The following MAP4K1 variants were observed in gnomAD, a reference collection of about 807,000 sequenced individuals.
MAP4K1 encodes mitogen-activated protein kinase kinase kinase kinase 1, also known as MAPK/ERK kinase kinase kinase 1.
Under a neutral mutation model 122.8 loss-of-function variants are expected in MAP4K1, and 35 were observed. The observed-to-expected ratio is 0.29, with a 90% confidence interval of 0.22 to 0.38. The LOEUF (loss-of-function observed/expected upper bound fraction) is 0.38, where lower values mean the gene tolerates loss of function less well. MAP4K1 is among the 10% of genes least tolerant of loss of function. The probability of loss-of-function intolerance (pLI) is 1.00; values close to 1 mark genes in which losing one functional copy is unlikely to be tolerated. For synonymous variants in MAP4K1, 412 were observed against 421.3 expected (o/e 0.98, Z 0.27); for missense variants, 791 against 1,072.6 (o/e 0.74, Z 3.67).
intron 19 of MAP4K1, among the ~76,000 whole-genome samples, chr19:38,603,719 C>G (rs929983598): frequency 6.6e-6 from 1 of 152,052 alleles, no homozygotes; most frequent in Non-Finnish European, 1.5e-5. Context: ...CGCGGTGGCT[C>G]ACGCCTGTAA....
rs375232678 is a variant in MAP4K1 at position 38,597,176 on chromosome 19, C to T, written c.1838-39G>A. On this transcript the variant is annotated intron_variant, in intron 24 of 30. Coordinates refer to ENST00000396857, the MANE Select transcript of MAP4K1 (RefSeq NM_001042600.3). This position sits in a 1 kb window ranked among gnomAD's most constrained non-coding sequence, Gnocchi z 4.6. ...AAGGATGAGTCAAGATCAATGCCCTCTATCCTCCTCGCCACCCACACTACC... is the reference window on the plus strand; with the variant it reads ...AAGGATGAGTCAAGATCAATGCCCTTTATCCTCCTCGCCACCCACACTACC... 6.2e-7 allele frequency: 1 copy of T among 1,606,074 alleles called. No individual in the cohort carries two copies. Among genetic ancestry groups the T allele is most frequent in the Non-Finnish European group, 8.5e-7 (1 of 1,172,824 alleles).
chr19:38,599,991 G>A lies in MAP4K1; in HGVS notation c.1609-6C>T, dbSNP rs745450743. On this transcript the variant is annotated splice_polypyrimidine_tract_variant and splice_region_variant and intron_variant, in intron 21 of 30. Coordinates refer to ENST00000396857, the MANE Select transcript of MAP4K1 (RefSeq NM_001042600.3). Reference sequence around the variant, plus strand: ...GTAGTCCGGCTAGGAAAGAGCTGCAGGGAATGGGAGAGATGGCTCTGGTGA... The same window carrying A: ...GTAGTCCGGCTAGGAAAGAGCTGCAAGGAATGGGAGAGATGGCTCTGGTGA... 1.2e-6 allele frequency: 2 copies of A among 1,614,176 alleles called. No individual in the cohort carries two copies.
chr19:38,608,799 CAAAAA>C (rs1031744033), intron 13 of MAP4K1, among the ~76,000 whole-genome samples: 1 of 9,550 alleles, frequency 1.0e-4, no homozygotes, highest in Admixed American at 1.2e-3. Context: ...AACTCCGTCT[CAAAAA>C]AAAAAAAAAA....
At chr19:38,611,351 C>A (rs1376703726) in intron 9 of MAP4K1, 46 bp from the exon 10 acceptor site, 1 of 1,346,052 alleles carries the variant, frequency 7.4e-7, no homozygotes, top group South Asian at 1.2e-5. Context: ...CTCAAGGGGG[C>A]CAGACCTCAT....
In MAP4K1 at chr19:38,608,099, G is replaced by T. The variant is rs1213611533; in HGVS notation, c.1065+13C>A. 1 of 1,547,306 alleles carries T rather than the reference G, an allele frequency of 6.5e-7. No homozygotes were observed. Among genetic ancestry groups the T allele is most frequent in the Admixed American group, 2.0e-5 (1 of 49,766 alleles). On this transcript the variant is annotated intron_variant, in intron 14 of 30. Transcript: ENST00000396857. ...CAGGCGGTGTGGTGGGGAGTGGGGG[G>T]ACAGCATCTCACGGTGTTGGCTGGG...
Position 38,608,828 on chromosome 19 carries a change from A to AAAAAAAAAAAAAAAAC in MAP4K1, c.1007-659_1007-658insGTTTTTTTTTTTTTTT, listed in dbSNP as rs1555811720. Among the ~76,000 whole-genome samples, 50 of 137,240 alleles carry AAAAAAAAAAAAAAAAC rather than the reference A, an allele frequency of 3.6e-4. 2 individuals carry two copies. The highest frequency in any genetic ancestry group is 1.1e-3 in the South Asian group (4 of 3,798). 90.0% of individuals were successfully genotyped at this position (137,240 alleles called of 152,430 possible). ...AAAAAAAAAAAAAAAAAAAAAAAAA[A>AAAAAAAAAAAAAAAAC]ACATTAGCCACGCGTGGTGAATAAG... On this transcript the variant is annotated intron_variant, in intron 13 of 30. Transcript: ENST00000396857.
intron 16 of MAP4K1, 112 bp downstream of exon 16, chr19:38,607,752 G>T: frequency 8.3e-7 from 1 of 1,199,550 alleles, no homozygotes; most frequent in Non-Finnish European, 1.2e-6. Context: ...GGGGCTAGAA[G>T]AAAGGCAGGG....
chr19:38,607,586 A>G (rs1433625480), intron 16 of MAP4K1, among the ~76,000 whole-genome samples: 4 of 148,118 alleles, frequency 2.7e-5, no homozygotes, highest in Admixed American at 6.8e-5. Context: ...AAAAAGAAGA[A>G]GGTGGAAGGA....
chr19:38,611,654 T>C (rs1975501529), intron 9 of MAP4K1, among the ~76,000 whole-genome samples: 1 of 151,872 alleles, frequency 6.6e-6, no homozygotes, highest in Non-Finnish European at 1.5e-5. Context: ...GCAATATGGG[T>C]CTGTAGGACC....
Position 38,600,255 on chromosome 19 carries a change from G to A in MAP4K1, c.1532-102C>T, listed in dbSNP as rs1975020928. 10 of 921,776 alleles carry A rather than the reference G, an allele frequency of 1.1e-5. No individual in the cohort carries two copies. In the East Asian group the frequency reaches 2.6e-4, roughly 24 times the overall value. The allele number at this position is 921,776 out of a possible 1,614,324, so 57.1% of individuals were successfully genotyped here. A position where few individuals can be genotyped will look rare whatever the true frequency, so the allele number is the denominator to read the frequency against. On this transcript the variant is annotated intron_variant, in intron 20 of 30. Coordinates refer to ENST00000396857, the MANE Select transcript of MAP4K1 (RefSeq NM_001042600.3). ...ACACTGACACTCTGTCCCCAGCTCT[G>A]ACCCTCTATTCTTTCTCCAAACCAA...
chr19:38,613,756 G>A (rs1975567345), intron 8 of MAP4K1, 124 bp downstream of exon 8: 1 of 734,746 alleles, frequency 1.4e-6, no homozygotes, highest in Admixed American at 2.7e-5. Flanking sequence ...GAGAATGAAA[G>A]AATCTTCCAA....
rs754085962 is a variant in MAP4K1, at chr19:38,614,372, C to G, written c.369+18G>C. The stretch of plus-strand genomic sequence containing the variant: ...CACCCTCCCCTCCCATCCCCAGAAT[C>G]CCCAGGCCTCTCCTTACCTGGAGCA... On this transcript the variant is annotated intron_variant, in intron 5 of 30. Coordinates refer to ENST00000396857, the MANE Select transcript of MAP4K1 (RefSeq NM_001042600.3). 3 of 1,609,104 alleles carry G rather than the reference C, an allele frequency of 1.9e-6. No homozygotes were observed. The South Asian group carries it at 3.3e-5, about 18-fold the overall frequency.
In MAP4K1 at chr19:38,606,598, G is replaced by A. The variant is rs1271968586; in HGVS notation, c.1158-383C>T. Reference sequence around the variant, plus strand: ...TTGAGCCTGGGAGGTTGAGGCTGCAGTAAGCCATCATTGCACTCCTGCACT... The same window carrying A: ...TTGAGCCTGGGAGGTTGAGGCTGCAATAAGCCATCATTGCACTCCTGCACT... On this transcript the variant is annotated intron_variant, in intron 16 of 30. Coordinates refer to ENST00000396857, the MANE Select transcript of MAP4K1 (RefSeq NM_001042600.3). Among the ~76,000 whole-genome samples, 4 of 152,302 alleles carry A rather than the reference G, an allele frequency of 2.6e-5. No individual in the cohort carries two copies. In the East Asian group the frequency reaches 7.7e-4, roughly 29 times the overall value.
chr19:38,614,534 G>C (rs1376484706), intron 4 of MAP4K1, 89 bp from the exon 5 acceptor site: 3 of 1,392,070 alleles, frequency 2.2e-6, no homozygotes, highest in Non-Finnish European at 3.0e-6. Flanking sequence ...CCAGCTAAGA[G>C]GGTGCCATAG....
chr19:38,595,921 A>C lies in MAP4K1; in HGVS notation c.2179+18T>G, dbSNP rs1333308608. On this transcript the variant is annotated intron_variant, in intron 27 of 30. Transcript: ENST00000396857. The stretch of plus-strand genomic sequence containing the variant: ...AGCTGGAGGGGTGGGGAGGAAGGGG[A>C]GGAAGGAGGGTTCTCACCATCCATC... The C allele has an allele frequency of 2.5e-6, 4 of 1,612,470 alleles. No individual in the cohort carries two copies. Among genetic ancestry groups the C allele is most frequent in the Non-Finnish European group, 3.4e-6 (4 of 1,178,814 alleles).
chr19:38,614,314 G>T, intron 5 of MAP4K1, 22 bp from the exon 6 acceptor site: 1 of 1,614,184 alleles, frequency 6.2e-7, no homozygotes, highest in Non-Finnish European at 8.5e-7. Context: ...GGTGGACAAG[G>T]GGACAGTGAG....
intron 30 of MAP4K1, among the ~76,000 whole-genome samples, chr19:38,590,392 A>ATAC (rs1247938342): frequency 1.5e-4 from 3 of 19,738 alleles, no homozygotes; most frequent in Non-Finnish European, 2.7e-4. Flanking sequence ...AAAAAAAAAA[A>ATAC]AAATATATAT....
At position 38,605,456 on chromosome 19, in the gene MAP4K1, C is replaced by T; in HGVS notation, c.1399G>A (p.Asp467Asn). The T allele has an allele frequency of 6.3e-7, 1 of 1,599,756 alleles. No individual in the cohort carries two copies. Among genetic ancestry groups the T allele is most frequent in the Non-Finnish European group, 8.5e-7 (1 of 1,174,560 alleles). ...TTGGGGGGCAGAAGTGGGGGCTTGT[C>T]AAGCTCCCGGGAGGGTGGGTTCCAG... is the stretch of plus-strand genomic sequence containing the variant. ...SLWNPPSREL[D>N]KPPLLPPKKE... is the part of the protein sequence containing the mutation. The change falls in exon 19 of 31, where the codon GAC becomes AAC. Residue 467 changes from aspartate to asparagine, a missense_variant. Coordinates refer to ENST00000396857, the MANE Select transcript of MAP4K1 (RefSeq NM_001042600.3).
At chr19:38,605,793 T>C in intron 17 of MAP4K1, 63 bp from the exon 18 acceptor site, 1 of 1,508,080 alleles carries the variant, frequency 6.6e-7, no homozygotes, top group Non-Finnish European at 8.9e-7. Context: ...GGCACCCTTT[T>C]GCAACTCAAG....
Sources: gnomAD v4.1 joint callset for allele counts (sites outside exome capture counted in the v4.1 genomes callset) on GRCh38, gnomAD v4.1.1 for gene constraint, Gnocchi (gnomAD v3.1) non-coding constraint, MANE v1.5 for transcripts, NCBI Gene and HGNC (gene_info 2026-07-23, HGNC 2026-07-21) for gene names.